The following OR14I1 variants were observed in gnomAD, a reference collection of about 807,000 sequenced individuals.
OR14I1 encodes olfactory receptor 14I1.
For synonymous variants in OR14I1, 118 were observed against 71.1 expected (o/e 1.66, Z -3.32); for missense variants, 279 against 181.8 (o/e 1.53, Z -3.07).
the OR14I1 span, among the ~76,000 whole-genome samples, chr1:248,689,415 G>T: frequency 6.6e-6 from 1 of 152,278 alleles, no homozygotes; most frequent in South Asian, 2.1e-4. Flanking sequence ...GACCCAGTCT[G>T]GTTTCTTTAC....
the OR14I1 span, among the ~76,000 whole-genome samples, chr1:248,693,160 G>T: frequency 1.3e-5 from 2 of 152,152 alleles, no homozygotes; most frequent in African/African-American, 4.8e-5. Context: ...TGCTGCCAGG[G>T]CATCCTGCAT....
chr1:248,701,158 CT>C, the OR14I1 span, among the ~76,000 whole-genome samples: 26 of 148,580 alleles, frequency 1.7e-4, no homozygotes, highest in East Asian at 3.9e-4. Context: ...ACACTTTTAA[CT>C]TTTTTTTTTT....
At chr1:248,689,540 C>A in the OR14I1 span, among the ~76,000 whole-genome samples, 1 of 152,204 alleles carries the variant, frequency 6.6e-6, no homozygotes, top group East Asian at 1.9e-4. Context: ...CCATAATCTT[C>A]AGTTGCAGCG....
chr1:248,685,060 T>C (rs2103134771), upstream of OR14I1, among the ~76,000 whole-genome samples: 1 of 152,234 alleles, frequency 6.6e-6, no homozygotes, highest in East Asian at 1.9e-4. Context: ...TGAAATACTT[T>C]TGTGTGTTAT....
the OR14I1 span, among the ~76,000 whole-genome samples, chr1:248,695,181 T>C: frequency 1.3e-5 from 2 of 152,034 alleles, no homozygotes; most frequent in African/African-American, 4.8e-5. Context: ...ATTTTCAAAA[T>C]TACTTTTTAA....
chr1:248,693,003 T>C, the OR14I1 span, among the ~76,000 whole-genome samples: 2 of 152,220 alleles, frequency 1.3e-5, no homozygotes, highest in African/African-American at 4.8e-5. Context: ...GTAGTTCTAC[T>C]TCCCCGATTT....
At chr1:248,702,059 C>G in the OR14I1 span, among the ~76,000 whole-genome samples, 1 of 152,062 alleles carries the variant, frequency 6.6e-6, no homozygotes, top group South Asian at 2.1e-4. Flanking sequence ...TTTAAACAAC[C>G]AGATCTCATG....
chr1:248,684,872 C>A (rs543132911), upstream of OR14I1, among the ~76,000 whole-genome samples: 1 of 108,744 alleles, frequency 9.2e-6, no homozygotes, highest in Non-Finnish European at 1.9e-5. Flanking sequence ...AAGTTGAAAA[C>A]ATTGAACAGT....
At chr1:248,688,838 A>T in the OR14I1 span, among the ~76,000 whole-genome samples, 2 of 152,198 alleles carry the variant, frequency 1.3e-5, no homozygotes, top group African/African-American at 4.8e-5. Context: ...ATTCTTACAA[A>T]TGTTTTTCTA....
chr1:248,682,457 G>A (rs560548408), upstream of OR14I1, among the ~76,000 whole-genome samples: 12 of 152,304 alleles, frequency 7.9e-5, no homozygotes, highest in South Asian at 2.5e-3. Context: ...AAATAAAATG[G>A]TGGGAGATTT....
chr1:248,698,072 C>A, the OR14I1 span, among the ~76,000 whole-genome samples: 1 of 152,254 alleles, frequency 6.6e-6, no homozygotes, highest in East Asian at 1.9e-4. Context: ...TCCATAATTC[C>A]TCTTTACCTG....
downstream of OR14I1, among the ~76,000 whole-genome samples, chr1:248,679,139 C>T (rs927001625): frequency 6.6e-5 from 10 of 152,110 alleles, no homozygotes; most frequent in African/African-American, 2.4e-4. Context: ...ATGCCAGGGG[C>T]TCTGGATCAA....
chr1:248,702,031 G>T, the OR14I1 span, among the ~76,000 whole-genome samples: 16 of 152,156 alleles, frequency 1.1e-4, no homozygotes, highest in African/African-American at 3.9e-4. Flanking sequence ...GAGAGCAAAC[G>T]GGAAGGTGCT....
the OR14I1 span, among the ~76,000 whole-genome samples, chr1:248,700,048 C>A: frequency 6.6e-6 from 1 of 152,190 alleles, no homozygotes; most frequent in East Asian, 1.9e-4. Context: ...GCCTGAGCCA[C>A]CGCGTCCGGC....
At chr1:248,700,724 A>C in the OR14I1 span, among the ~76,000 whole-genome samples, 1 of 152,204 alleles carries the variant, frequency 6.6e-6, no homozygotes, top group African/African-American at 2.4e-5. Context: ...CAGTTTTCTC[A>C]AACACTCTAT....
the OR14I1 span, among the ~76,000 whole-genome samples, chr1:248,694,072 G>A: frequency 6.6e-6 from 1 of 152,132 alleles, no homozygotes; most frequent in East Asian, 1.9e-4. Context: ...GCACTGGAGG[G>A]GCAGAGGGAG....
the OR14I1 span, among the ~76,000 whole-genome samples, chr1:248,687,494 T>A: frequency 1.3e-5 from 2 of 151,116 alleles, no homozygotes; most frequent in African/African-American, 4.9e-5. Context: ...TCTCACTAAA[T>A]ACGATCATTT....
the OR14I1 span, among the ~76,000 whole-genome samples, chr1:248,701,194 C>T: frequency 2.0e-5 from 3 of 152,168 alleles, no homozygotes; most frequent in African/African-American, 7.2e-5. Context: ...CTCTATCACC[C>T]AGGCTGGAGT....
At chr1:248,700,970 A>C in the OR14I1 span, among the ~76,000 whole-genome samples, 1 of 152,222 alleles carries the variant, frequency 6.6e-6, no homozygotes, top group Non-Finnish European at 1.5e-5. Context: ...CCAACCATTT[A>C]ATAATCAAAG....
Sources: gnomAD v4.1 joint callset for allele counts (sites outside exome capture counted in the v4.1 genomes callset) on GRCh38, gnomAD v4.1.1 for gene constraint, MANE v1.5 for transcripts, NCBI Gene and HGNC (gene_info 2026-07-23, HGNC 2026-07-21) for gene names.